Variants in MZT2B observed in about 807,000 individuals in gnomAD.
MZT2B encodes mitotic spindle organizing protein 2B, also known as mitotic-spindle organizing protein 2B.
A neutral mutation model predicts 12.1 loss-of-function variants in MZT2B; 11 were observed. The observed-to-expected ratio is 0.91, with a 90% CI of 0.57 to 1.50. The LOEUF is 1.50. Among genes scored for constraint, MZT2B ranks in the 40% most tolerant of loss-of-function variants. The pLI is 0.00. For missense variants in MZT2B, 209 were observed against 227.7 expected (o/e 0.92, Z 0.53); for synonymous variants, 85 against 109.5 (o/e 0.78, Z 1.40).
downstream of MZT2B, among the ~76,000 whole-genome samples, chr2:130,194,787 T>C (rs2313995): frequency 1.3e-5 from 2 of 152,246 alleles, no homozygotes; most frequent in African/African-American, 4.8e-5. Flanking sequence ...AAGCAATTCT[T>C]CTGCCTCAGC....
the MZT2B span, among the ~76,000 whole-genome samples, chr2:130,200,609 G>A: frequency 3.9e-5 from 6 of 152,132 alleles, no homozygotes; most frequent in Non-Finnish European, 5.9e-5. Context: ...TCAAAGTGCT[G>A]TGAACACTTT....
chr2:130,195,344 T>C, downstream of MZT2B: 1 of 1,418,740 alleles, frequency 7.0e-7, no homozygotes, highest in Non-Finnish European at 9.5e-7. Flanking sequence ...ATGACCTACA[T>C]GTCATAGGTC....
chr2:130,186,484 T>G (rs1188572220), intron 2 of MZT2B, among the ~76,000 whole-genome samples: 1 of 152,224 alleles, frequency 6.6e-6, no homozygotes. Context: ...TTTTAAAAGT[T>G]GTCCAGAGCA....
At chr2:130,190,852 C>G (rs1690241533), downstream of MZT2B, 4 of 991,222 alleles carry the variant, frequency 4.0e-6, no homozygotes, top group Non-Finnish European at 5.3e-6. Context: ...CATGGGTCAA[C>G]TTCCTGAACC....
chr2:130,190,671 C>T lies in MZT2B; in HGVS notation c.*45C>T, dbSNP rs1690233802. 15 of 1,566,942 alleles carry T rather than the reference C, an allele frequency of 9.6e-6. No homozygotes were observed. The highest frequency in any genetic ancestry group is 1.7e-4 in the Middle Eastern group (1 of 5,862). ...GCATCTTTGTCCCCAGCAAAGGCTA[C>T]ATGTTACCTCCTTCAATTGATAATA... On this transcript the variant is annotated 3_prime_UTR_variant, in exon 3 of 3. Coordinates refer to ENST00000281871, the MANE Select transcript of MZT2B (RefSeq NM_025029.5).
intron 2 of MZT2B, among the ~76,000 whole-genome samples, chr2:130,189,529 C>T (rs1030472750): frequency 3.9e-5 from 6 of 152,094 alleles, no homozygotes; most frequent in African/African-American, 1.4e-4. Context: ...TGTTTAGAGC[C>T]CACAGGCCAG....
rs188675604 is a variant in MZT2B, at chr2:130,184,302, C to G, written c.319+1527C>G. On this transcript the variant is annotated intron_variant, in intron 2 of 2. Coordinates refer to ENST00000281871, the MANE Select transcript of MZT2B (RefSeq NM_025029.5). ...CTGTGCTGGAGAGCACAGCCCCAGGCGTGACAAACACCTCGGCCTCTTAGA... is the reference window on the plus strand; with the variant it reads ...CTGTGCTGGAGAGCACAGCCCCAGGGGTGACAAACACCTCGGCCTCTTAGA... 6.1e-6 allele frequency: 6 copies of G among 985,422 alleles called. No homozygotes were observed. In the African/African-American group the frequency reaches 1.0e-4, roughly 17 times the overall value. 61.0% of individuals were successfully genotyped at this position (985,422 alleles called of 1,614,324 possible). A position where few individuals can be genotyped will look rare whatever the true frequency, so the allele number is the denominator to read the frequency against.
chr2:130,191,757 A>G (rs1690263343), downstream of MZT2B: 1 of 1,557,290 alleles, frequency 6.4e-7, no homozygotes, highest in South Asian at 1.2e-5. Flanking sequence ...GGTTTTATAC[A>G]GAATCTTTAA....
the MZT2B span, among the ~76,000 whole-genome samples, chr2:130,197,622 G>T: frequency 0.01 from 1,261 of 125,844 alleles, 47 homozygotes; most frequent in African/African-American, 0.033. Context: ...TTTTTGTTTG[G>T]TTTTTTGAGG....
At chr2:130,202,903 G>A in the MZT2B span, among the ~76,000 whole-genome samples, 3 of 152,272 alleles carry the variant, frequency 2.0e-5, no homozygotes, top group East Asian at 3.9e-4. Context: ...ACAGGGAACT[G>A]CAAAAGAGGA....
At chr2:130,183,601 TG>T in intron 2 of MZT2B, 1 of 993,064 alleles carries the variant, frequency 1.0e-6, no homozygotes, top group Non-Finnish European at 1.6e-6. Context: ...GCTCCCTGCC[TG>T]GAAGCACGAG....
At chr2:130,202,173 C>T in the MZT2B span, 265 of 469,128 alleles carry the variant, frequency 5.6e-4, no homozygotes, top group Non-Finnish European at 7.4e-4. Context: ...CTAAGTATTG[C>T]TGCCTTGTGT....
chr2:130,190,461 C>G lies in MZT2B; in HGVS notation c.320-8C>G. ...CATTCCTAATCATTGTGCTTTGTGT[C>G]TCCTCAGGGAGAAACAAAGGCAGCG... is the stretch of plus-strand genomic sequence containing the variant. On this transcript the variant is annotated splice_polypyrimidine_tract_variant and splice_region_variant and intron_variant, in intron 2 of 2. Coordinates refer to ENST00000281871, the MANE Select transcript of MZT2B (RefSeq NM_025029.5). The G allele has an allele frequency of 6.2e-7, 1 of 1,612,770 alleles. No homozygotes were observed. The highest frequency in any genetic ancestry group is 8.5e-7 in the Non-Finnish European group (1 of 1,179,150).
upstream of MZT2B, chr2:130,181,888 C>T: frequency 6.6e-7 from 1 of 1,515,210 alleles, no homozygotes; most frequent in South Asian, 1.2e-5. Context: ...CGAAAAGCGA[C>T]CCCTAGTGGT....
chr2:130,193,190 G>A (rs1377850577), downstream of MZT2B, among the ~76,000 whole-genome samples: 2 of 151,990 alleles, frequency 1.3e-5, no homozygotes, highest in African/African-American at 4.8e-5. Context: ...GGGAGGCAGA[G>A]GTTGCAGTGA....
Position 130,190,486 on chromosome 2 carries a change from G to C in MZT2B, c.337G>C (p.Ala113Pro). Residue 113 changes from alanine (A) to proline (P), a missense_variant, in exon 3 of 3, where the codon GCT (alanine) becomes CCT (proline). By Grantham distance (27) the Ala-to-Pro change is conservative. Coordinates refer to ENST00000281871, the MANE Select transcript of MZT2B (RefSeq NM_025029.5). ...CTCCTCAGGGAGAAACAAAGGCAGC[G>C]CTGCCCTCGGGGGAGCATTGGCCCT... ...PETRGRNKGS[A>P]ALGGALALAE... 1 of 1,613,626 alleles carries C rather than the reference G, an allele frequency of 6.2e-7. No homozygotes were observed. Among genetic ancestry groups the C allele is most frequent in the Non-Finnish European group, 8.5e-7 (1 of 1,179,836 alleles).
In MZT2B at chr2:130,190,717, G is replaced by A. The variant is rs758346158; in HGVS notation, c.*91G>A. ...TAATAAACCTTTCTGAGATGCAGAG[G>A]GTCCAGGTCAGATGTTGTCTACCGT... On this transcript the variant is annotated 3_prime_UTR_variant, in exon 3 of 3. Coordinates refer to ENST00000281871, the MANE Select transcript of MZT2B (RefSeq NM_025029.5). 10 of 1,495,086 alleles carry A rather than the reference G, an allele frequency of 6.7e-6. No individual in the cohort carries two copies. The African/African-American group carries it at 1.0e-4, about 15-fold the overall frequency. The allele number at this position is 1,495,086 out of a possible 1,614,324, so 92.6% of individuals were successfully genotyped here.
chr2:130,202,360 G>C, the MZT2B span: 6,141 of 1,285,684 alleles, frequency 4.8e-3, 59 homozygotes, highest in African/African-American at 0.036. Context: ...GCGGCGCCTC[G>C]ACAAGATTTC....
chr2:130,195,249 C>T (rs1183191856), downstream of MZT2B: 8 of 1,612,526 alleles, frequency 5.0e-6, no homozygotes, highest in Admixed American at 3.3e-5. Flanking sequence ...ACAGTGTGTA[C>T]TGTGAATTTT....
Sources: allele counts gnomAD v4.1 joint callset (sites outside exome capture counted in the v4.1 genomes callset), GRCh38; gene constraint gnomAD v4.1.1; transcripts MANE v1.5; gene names NCBI Gene and HGNC (gene_info 2026-07-23, HGNC 2026-07-21).